The following MTHFS variants were observed in gnomAD, a reference collection of about 807,000 sequenced individuals.
MTHFS encodes 5-formyltetrahydrofolate cyclo-ligase.
Under a neutral mutation model 12.7 loss-of-function variants are expected in MTHFS, and 7 were observed. The observed-to-expected ratio is 0.55, with a 90% CI of 0.31 to 1.03. The LOEUF (loss-of-function observed/expected upper bound fraction) is 1.03. Ranked by LOEUF, MTHFS falls within the 50% of genes least tolerant of loss-of-function variation. The probability of loss-of-function intolerance (pLI) is 0.05; values close to 1 mark genes in which losing one functional copy is unlikely to be tolerated. For missense variants in MTHFS, 252 were observed against 258.1 expected, an observed-to-expected ratio of 0.98 and a Z score of 0.16; for synonymous variants, 100 against 97.1, an observed-to-expected ratio of 1.03 and a Z score of -0.18.
chr15:79,889,203 A>C lies in MTHFS; in HGVS notation c.269T>G (p.Met90Arg). 1 of 1,614,164 alleles carries C rather than the reference A, an allele frequency of 6.2e-7. No homozygotes were observed. The highest frequency in any genetic ancestry group is 8.5e-7 in the Non-Finnish European group (1 of 1,180,030). The change falls in exon 2 of 3, where the codon ATG becomes AGG. Residue 90 changes from methionine (M) to arginine (R), a missense_variant. By Grantham distance (91) the Met-to-Arg change is moderately conservative. Coordinates refer to ENST00000258874, the MANE Select transcript of MTHFS (RefSeq NM_006441.4). ...TGGTGATTCTATTCTCACCATATCCATGTGATTGCTCTGGAACCGGTACCG... is the reference window on the plus strand; with the variant it reads ...TGGTGATTCTATTCTCACCATATCCCTGTGATTGCTCTGGAACCGGTACCG... ...IPRYRFQSNH[M>R]DMVRIESPEE... is the part of the protein sequence containing the mutation.
intron 2 of MTHFS, among the ~76,000 whole-genome samples, chr15:79,857,604 T>C (rs528056014): frequency 6.6e-6 from 1 of 152,332 alleles, no homozygotes; most frequent in East Asian, 1.9e-4. Context: ...TACTTTGAAA[T>C]AATAGTACAT....
intron 2 of MTHFS, among the ~76,000 whole-genome samples, chr15:79,852,600 T>C (rs908511253): frequency 9.2e-5 from 14 of 152,318 alleles, no homozygotes; most frequent in African/African-American, 2.9e-4. Context: ...ACCACCATAA[T>C]TGATCACTTC....
At chr15:79,867,796 T>A (rs1691291010) in intron 2 of MTHFS, among the ~76,000 whole-genome samples, 1 of 152,192 alleles carries the variant, frequency 6.6e-6, no homozygotes, top group African/African-American at 2.4e-5. Flanking sequence ...AGATGAAGAA[T>A]CAGCACTAAA....
intron 1 of MTHFS, among the ~76,000 whole-genome samples, chr15:79,894,119 T>G (rs1479225529): frequency 6.6e-6 from 1 of 152,202 alleles, no homozygotes; most frequent in Non-Finnish European, 1.5e-5. Context: ...GCACAGTGGC[T>G]CACGCCTGTA....
intron 1 of MTHFS, among the ~76,000 whole-genome samples, chr15:79,893,346 G>C (rs900486807): frequency 6.6e-6 from 1 of 151,590 alleles, no homozygotes. Context: ...AGGTTGCAGT[G>C]AGCCAAGATT....
intron 2 of MTHFS, among the ~76,000 whole-genome samples, chr15:79,885,284 T>C (rs1267465402): frequency 6.6e-6 from 1 of 152,220 alleles, no homozygotes; most frequent in African/African-American, 2.4e-5. Flanking sequence ...TTGTGATCAT[T>C]AAGTTATGGC....
chr15:79,892,265 G>A (rs1425283975), intron 1 of MTHFS, among the ~76,000 whole-genome samples: 1 of 152,140 alleles, frequency 6.6e-6, no homozygotes, highest in Non-Finnish European at 1.5e-5. Context: ...GAGTAAGGAG[G>A]AACCCCAGGG....
intron 2 of MTHFS, among the ~76,000 whole-genome samples, chr15:79,866,999 A>G (rs2034023755): frequency 6.6e-6 from 1 of 151,840 alleles, no homozygotes; most frequent in African/African-American, 2.4e-5. Flanking sequence ...AGAAAAAAAA[A>G]AAGTACTCTT....
rs2033588625 is a variant in MTHFS, at chr15:79,845,251, T to C, written c.571A>G (p.Lys191Glu). ...TCTTCGTAAAGGACTTCATCTACCT[T>C]CATGTCGTTTTCATTCACTGGGACC... is the stretch of plus-strand genomic sequence containing the variant. The part of the protein sequence containing the change: ...LQVPVNENDM[K>E]VDEVLYEDSS... The change falls in exon 3 of 3, where the codon AAG (lysine) becomes GAG (glutamate). Residue 191 changes from lysine to glutamate, a missense_variant. Transcript: ENST00000258874. 6.2e-7 allele frequency: 1 copy of C among 1,614,202 alleles called. No homozygotes were observed. Among genetic ancestry groups the C allele is most frequent in the Non-Finnish European group, 8.5e-7 (1 of 1,180,042 alleles).
At chr15:79,850,857 G>A in intron 2 of MTHFS, among the ~76,000 whole-genome samples, 1 of 152,156 alleles carries the variant, frequency 6.6e-6, no homozygotes, top group East Asian at 1.9e-4. Context: ...TACTTCCTGA[G>A]ACAGAAGTAT....
At position 79,844,860 on chromosome 15, in the gene MTHFS, TGCCCACTCCC is replaced by T. The variant is rs1473197311; in HGVS notation, c.*340_*349del. On this transcript the variant is annotated 3_prime_UTR_variant, in exon 3 of 3. Coordinates refer to ENST00000258874, the MANE Select transcript of MTHFS (RefSeq NM_006441.4). ...TCATGAAAGGCGTAATGAAATACAG[TGCCCACTCCC>T]GCAAGTTTACCTTCCTCTCGCACTC... 1 of 291,026 alleles carries T rather than the reference TGCCCACTCCC, an allele frequency of 3.4e-6. No homozygotes were observed. Among genetic ancestry groups the T allele is most frequent in the Non-Finnish European group, 6.5e-6 (1 of 152,698 alleles). 18.0% of individuals were successfully genotyped at this position (291,026 alleles called of 1,614,324 possible). A position where few individuals can be genotyped will look rare whatever the true frequency, so the allele number is the denominator to read the frequency against.
intron 2 of MTHFS, among the ~76,000 whole-genome samples, chr15:79,879,102 T>A (rs80310931): frequency 0.028 from 4,310 of 152,008 alleles, 244 homozygotes; most frequent in African/African-American, 0.099. Flanking sequence ...CAAAAAAAAT[T>A]TAACACAAAA....
At chr15:79,889,820 C>T (rs897347127) in intron 1 of MTHFS, among the ~76,000 whole-genome samples, 2 of 152,200 alleles carry the variant, frequency 1.3e-5, no homozygotes, top group East Asian at 3.8e-4. Context: ...AAGCCCAACG[C>T]AAGCCCTAAC....
At chr15:79,889,012 C>T in intron 2 of MTHFS, 81 bp downstream of exon 2, 2 of 1,540,916 alleles carry the variant, frequency 1.3e-6, no homozygotes, top group Non-Finnish European at 1.8e-6. Flanking sequence ...AAGCAACTCC[C>T]ACTGACCCAC....
chr15:79,875,277 A>C (rs1215835804), intron 2 of MTHFS, among the ~76,000 whole-genome samples: 5 of 151,672 alleles, frequency 3.3e-5, no homozygotes, highest in African/African-American at 1.2e-4. Context: ...AAAGCGACAA[A>C]AAAAAAAAAA....
intron 2 of MTHFS, among the ~76,000 whole-genome samples, chr15:79,861,859 T>C (rs2033920276): frequency 6.6e-6 from 1 of 152,238 alleles, no homozygotes; most frequent in Admixed American, 6.5e-5. Context: ...ATCCTATCTG[T>C]ATAAATTTTT....
At chr15:79,856,350 T>C (rs903765722) in intron 2 of MTHFS, among the ~76,000 whole-genome samples, 1 of 152,252 alleles carries the variant, frequency 6.6e-6, no homozygotes, top group Non-Finnish European at 1.5e-5. Flanking sequence ...CTTTGCCTAC[T>C]TTTTTAATGT....
At chr15:79,897,009 AGTCCCGCCCTCGG>A (rs1325853043) in exon 1 of MTHFS, 1 of 1,505,778 alleles carries the variant, frequency 6.6e-7, no homozygotes, top group South Asian at 1.2e-5. Flanking sequence ...AGCCGAGTCC[AGTCCCGCCCTCGG>A]CGCCCTGGGC....
At chr15:79,845,697 A>T (rs2033601396) in intron 2 of MTHFS, among the ~76,000 whole-genome samples, 1 of 152,232 alleles carries the variant, frequency 6.6e-6, no homozygotes, top group African/African-American at 2.4e-5. Context: ...CCCAGGCCTC[A>T]TTCATAACTA....
Sources: allele counts gnomAD v4.1 joint callset (sites outside exome capture counted in the v4.1 genomes callset), GRCh38; gene constraint gnomAD v4.1.1; transcripts MANE v1.5; gene names NCBI Gene and HGNC (gene_info 2026-07-23, HGNC 2026-07-21).